Variants in TATDN2 observed in about 807,000 individuals in gnomAD.
The protein encoded by TATDN2 is TatD DNase domain containing 2, also known as 3'-5' RNA nuclease TATDN2.
A neutral mutation model predicts 60.3 loss-of-function variants in TATDN2; 44 were observed. The ratio of observed to expected loss-of-function variants is 0.73; its 90% CI spans 0.57 to 0.94. The LOEUF (loss-of-function observed/expected upper bound fraction) is 0.94. Ranked by LOEUF, TATDN2 falls within the 40% of genes least tolerant of loss-of-function variation. The pLI, the probability that TATDN2 is intolerant of heterozygous loss-of-function variation, is 0.00. For missense variants in TATDN2, 997 were observed against 948.0 expected (o/e 1.05, Z -0.68); for synonymous variants, 399 against 355.8 (o/e 1.12, Z -1.37).
rs199503138 is a variant in TATDN2 at position 10,276,398 on chromosome 3, A to G, written c.1871A>G (p.Lys624Arg). ...CAGCTGCAGCTGGCTGTGTCTCTAAAGAAGCCCTTGGTGATCCACTGCCGA... is the reference window on the plus strand; with the variant it reads ...CAGCTGCAGCTGGCTGTGTCTCTAAGGAAGCCCTTGGTGATCCACTGCCGA... ...ERQLQLAVSL[K>R]KPLVIHCREA... Residue 624 changes from lysine to arginine, a missense_variant, in exon 5 of 8, where the codon AAG becomes AGG. By Grantham distance (26) the Lys-to-Arg change is conservative. Transcript: ENST00000448281. The G allele has an allele frequency of 5.3e-4, 853 of 1,613,948 alleles. 6 individuals are homozygous for G. Among genetic ancestry groups the G allele is most frequent in the Non-Finnish European group, 1.6e-4 (192 of 1,179,980 alleles).
At chr3:10,259,985 T>C (rs1559460797) in intron 2 of TATDN2, 152 bp from the exon 3 acceptor site, 5 of 831,680 alleles carry the variant, frequency 6.0e-6, no homozygotes, top group Non-Finnish European at 9.3e-6. Context: ...CCTCTTACAG[T>C]GCCACTTCAC....
rs779586309 is a variant in TATDN2, at chr3:10,270,432, G to A, written c.1250G>A (p.Ser417Asn). Reference sequence around the variant, plus strand: ...GGGAAGAGCAGCCGGAGCCGCATGAGTGATTATTCCCCCAACTCTACAGGG... The same window carrying A: ...GGGAAGAGCAGCCGGAGCCGCATGAATGATTATTCCCCCAACTCTACAGGG... The part of the protein sequence containing the change: ...QVGKSSRSRM[S>N]DYSPNSTGSV... Residue 417 changes from serine to asparagine, a missense_variant, in exon 4 of 8, where the codon AGT becomes AAT. Physicochemically the swap from Ser to Asn is conservative, Grantham distance 46. Coordinates refer to ENST00000448281, the MANE Select transcript of TATDN2 (RefSeq NM_014760.4). The A allele has an allele frequency of 1.2e-5, 20 of 1,614,086 alleles. No individual in the cohort carries two copies. The highest frequency in any genetic ancestry group is 3.3e-5 in the Admixed American group (2 of 59,996).
chr3:10,256,481 T>TG (rs1199862517), intron 2 of TATDN2, among the ~76,000 whole-genome samples: 1 of 151,996 alleles, frequency 6.6e-6, no homozygotes, highest in East Asian at 1.9e-4. Flanking sequence ...CAGCCTTGTT[T>TG]TTTTTTTTAT....
At chr3:10,260,005 A>G in intron 2 of TATDN2, 132 bp from the exon 3 acceptor site, 1 of 1,047,412 alleles carries the variant, frequency 9.5e-7, no homozygotes. Flanking sequence ...CCACCCGGAG[A>G]GAACCTTTGC....
rs143307706 is a variant in TATDN2, at chr3:10,269,288, C to G, written c.949-843C>G. ...TTCTGACCTGGCCTTGGAAGTTACA[C>G]AGCTTCGCTTCTGTTGCATTCTTTT... On this transcript the variant is annotated intron_variant, in intron 3 of 7. Transcript: ENST00000448281. 4.1e-3 allele frequency among the ~76,000 whole-genome samples: 632 copies of G among 152,356 alleles called. 2 individuals carry two copies. The highest frequency in any genetic ancestry group is 0.015 in the African/African-American group (611 of 41,578).
chr3:10,258,510 G>T (rs1456966395), intron 2 of TATDN2, among the ~76,000 whole-genome samples: 34 of 144,748 alleles, frequency 2.3e-4, no homozygotes, highest in African/African-American at 8.5e-4. Flanking sequence ...TGCTCTTGTT[G>T]CCTGGGCTGG....
chr3:10,269,670 C>T (rs1698528705), intron 3 of TATDN2, among the ~76,000 whole-genome samples: 1 of 152,100 alleles, frequency 6.6e-6, no homozygotes, highest in African/African-American at 2.4e-5. Context: ...CACCGCATTC[C>T]AGCCTGGGCA....
At chr3:10,253,693 A>G (rs1020319960) in intron 2 of TATDN2, among the ~76,000 whole-genome samples, 22 of 152,256 alleles carry the variant, frequency 1.4e-4, no homozygotes, top group Admixed American at 3.9e-4. Flanking sequence ...TTTGATCTAT[A>G]GACTATCACA....
chr3:10,274,857 A>G (rs1025690172), intron 4 of TATDN2, among the ~76,000 whole-genome samples: 1 of 152,214 alleles, frequency 6.6e-6, no homozygotes, highest in Non-Finnish European at 1.5e-5. Context: ...TCTCAAGTGA[A>G]TATCACCTGA....
intron 2 of TATDN2, among the ~76,000 whole-genome samples, chr3:10,250,970 C>T (rs1698226590): frequency 6.6e-6 from 1 of 152,182 alleles, no homozygotes; most frequent in Non-Finnish European, 1.5e-5. Flanking sequence ...TTTACATAGT[C>T]TTTCAGGTGT....
chr3:10,264,560 TTTC>T (rs1301738925), intron 3 of TATDN2, among the ~76,000 whole-genome samples: 4 of 152,326 alleles, frequency 2.6e-5, no homozygotes, highest in African/African-American at 9.6e-5. Flanking sequence ...TTCTTGTCTG[TTTC>T]TTCTTTTTCT....
At position 10,276,421 on chromosome 3, in the gene TATDN2, C is replaced by T. The variant is rs995846510; in HGVS notation, c.1894C>T (p.Arg632Ter). The T allele has an allele frequency of 5.6e-6, 9 of 1,613,750 alleles. No individual in the cohort carries two copies. Among genetic ancestry groups the T allele is most frequent in the Non-Finnish European group, 7.6e-6 (9 of 1,179,952 alleles). The change falls in exon 5 of 8, where the codon CGA (arginine) becomes TGA (stop). Residue 632 changes from arginine (R) to a stop codon, truncating the protein, a stop_gained. Transcript: ENST00000448281. LOFTEE classifies it high-confidence loss of function. ...SLKKPLVIHC[R>*]EADEDLLEIM... Reference sequence around the variant, plus strand: ...AAAGAAGCCCTTGGTGATCCACTGCCGAGAAGCTGATGAAGATCTGCTAGA... The same window carrying T: ...AAAGAAGCCCTTGGTGATCCACTGCTGAGAAGCTGATGAAGATCTGCTAGA...
At position 10,279,074 on chromosome 3, in the gene TATDN2, TCA is replaced by T. The variant is rs1698684256; in HGVS notation, c.*38+14_*38+15del. 1.3e-6 allele frequency: 2 copies of T among 1,583,738 alleles called. No individual in the cohort carries two copies. Among genetic ancestry groups the T allele is most frequent in the Non-Finnish European group, 1.7e-6 (2 of 1,167,098 alleles). On this transcript the variant is annotated intron_variant, in intron 7 of 7. Coordinates refer to ENST00000448281, the MANE Select transcript of TATDN2 (RefSeq NM_014760.4). ...AGTCTCCTAGAAAAGGTCGTAAAACTCACATTCTGTATTTTTTAAAAACCAGG... is the reference window on the plus strand; with the variant it reads ...AGTCTCCTAGAAAAGGTCGTAAAACTCATTCTGTATTTTTTAAAAACCAGG...
chr3:10,270,640 C>T lies in TATDN2; in HGVS notation c.1458C>T (p.His486=). ...GHASSSLPKS[H]LEPSLEEGFI... ...CATCCAGCTCCCTGCCAAAGAGCCA[C>T]CTGGAGCCAAGCCTAGAGGAGGGCT... Residue 486 remains histidine (H), a synonymous_variant, in exon 4 of 8, where the codon CAC becomes CAT. Coordinates refer to ENST00000448281, the MANE Select transcript of TATDN2 (RefSeq NM_014760.4). 6.2e-7 allele frequency: 1 copy of T among 1,614,226 alleles called. No individual in the cohort carries two copies. Among genetic ancestry groups the T allele is most frequent in the Non-Finnish European group, 8.5e-7 (1 of 1,180,042 alleles).
At chr3:10,273,412 A>G (rs1346095459) in intron 4 of TATDN2, among the ~76,000 whole-genome samples, 1 of 152,204 alleles carries the variant, frequency 6.6e-6, no homozygotes, top group Non-Finnish European at 1.5e-5. Flanking sequence ...AGCAGTTAGC[A>G]AGTTCTGGAT....
At chr3:10,249,130 C>T in intron 1 of TATDN2, 63 bp downstream of exon 1, 1 of 1,477,884 alleles carries the variant, frequency 6.8e-7, no homozygotes, top group Non-Finnish European at 9.0e-7. Flanking sequence ...CCCGGGGTGG[C>T]GGGAATCTGA....
At chr3:10,271,057 CT>C in intron 4 of TATDN2, 42 bp downstream of exon 4, 1 of 1,500,772 alleles carries the variant, frequency 6.7e-7, no homozygotes, top group Non-Finnish European at 8.8e-7. Flanking sequence ...TTTAATTTTT[CT>C]TTTAGTTGTT....
chr3:10,258,140 A>C lies in TATDN2; in HGVS notation c.415-1997A>C, dbSNP rs566612128. On this transcript the variant is annotated intron_variant, in intron 2 of 7. Coordinates refer to ENST00000448281, the MANE Select transcript of TATDN2 (RefSeq NM_014760.4). ...ATTACAGACATTAGCCACCGCGCCC[A>C]GCTAGGTTTATGATTGTTTTAAGTT... Among the ~76,000 whole-genome samples the C allele has an allele frequency of 1.3e-3, 193 of 151,594 alleles. 1 individual carries two copies. The highest frequency in any genetic ancestry group is 4.6e-3 in the African/African-American group (189 of 41,324).
chr3:10,278,627 G>C lies in TATDN2; in HGVS notation c.2145+165G>C. ...TTACTCTGCAGAACCAAAAGTCTAG[G>C]GGGCTGAGAAGCTGAAGGGTAACCA... On this transcript the variant is annotated intron_variant, in intron 6 of 7. Coordinates refer to ENST00000448281, the MANE Select transcript of TATDN2 (RefSeq NM_014760.4). The surrounding 1 kb of genome is among the most constrained non-coding windows in gnomAD (Gnocchi z 4.7). The C allele has an allele frequency of 9.4e-7, 1 of 1,067,938 alleles. No individual in the cohort carries two copies. The highest frequency in any genetic ancestry group is 1.3e-5 in the South Asian group (1 of 77,158). The allele number at this position is 1,067,938 out of a possible 1,614,324, so 66.2% of individuals were successfully genotyped here. A position where few individuals can be genotyped will look rare whatever the true frequency, so the allele number is the denominator to read the frequency against.
Sources: gnomAD v4.1 joint callset for allele counts (sites outside exome capture counted in the v4.1 genomes callset) on GRCh38, gnomAD v4.1.1 for gene constraint, Gnocchi (gnomAD v3.1) non-coding constraint, MANE v1.5 for transcripts, NCBI Gene and HGNC (gene_info 2026-07-23, HGNC 2026-07-21) for gene names.